Variants in WDR44 observed in about 807,000 individuals in gnomAD.
WDR44 encodes WD repeat domain 44.
A neutral mutation model predicts 65.7 loss-of-function variants in WDR44; 9 were observed. The observed-to-expected ratio is 0.14, with a 90% confidence interval of 0.08 to 0.24. WDR44 has a LOEUF of 0.24. Ranked by LOEUF, WDR44 falls within the 10% of genes least tolerant of loss-of-function variation. The pLI is 1.00. For synonymous variants in WDR44, 220 were observed against 235.2 expected (o/e 0.94, Z 0.59); for missense variants, 425 against 670.9 (o/e 0.63, Z 4.05).
intron 12 of WDR44, among the ~76,000 whole-genome samples, chrX:118,423,704 CAA>C (rs1366520098): frequency 8.9e-6 from 1 of 111,737 alleles, no homozygotes; most frequent in Non-Finnish European, 1.9e-5. Flanking sequence ...ATAGATCTCT[CAA>C]ACTTAATCAT....
chrX:118,391,364 A>G (rs2056818797), intron 3 of WDR44, among the ~76,000 whole-genome samples: 1 of 112,024 alleles, frequency 8.9e-6, no homozygotes, highest in Non-Finnish European at 1.9e-5. Flanking sequence ...AAGCAAGGTA[A>G]TTTCTAAGGT....
At chrX:118,412,396 G>T (rs1306165426) in intron 12 of WDR44, among the ~76,000 whole-genome samples, 1 of 111,655 alleles carries the variant, frequency 9.0e-6, no homozygotes, top group Non-Finnish European at 1.9e-5. Context: ...ACCATGTTCA[G>T]ATTTTTGTTT....
In WDR44 at chrX:118,376,340, G is replaced by GA. The variant is rs772056617; in HGVS notation, c.78-2077dup. 3.0e-4 allele frequency among the ~76,000 whole-genome samples: 33 copies of GA among 111,167 alleles called. 1 individual carries two copies. The South Asian group carries it at 0.012, about 41-fold the overall frequency. ...GAGGTCAAGGATTCCTCTACCAAAG[G>GA]AATCATTACCCAGTTTGGCATATAA... On this transcript the variant is annotated intron_variant, in intron 1 of 19. Coordinates refer to ENST00000254029, the MANE Select transcript of WDR44 (RefSeq NM_019045.5).
intron 12 of WDR44, among the ~76,000 whole-genome samples, chrX:118,413,499 CTATT>C (rs763273252): frequency 9.0e-6 from 1 of 111,694 alleles, no homozygotes; most frequent in Non-Finnish European, 1.9e-5. Context: ...TGAGAATTGT[CTATT>C]TATGTCCTTA....
chrX:118,369,541 C>T (rs1372853163), intron 1 of WDR44, among the ~76,000 whole-genome samples: 1 of 97,069 alleles, frequency 1.0e-5, no homozygotes, highest in Non-Finnish European at 2.0e-5. Flanking sequence ...GGGATCTCGG[C>T]TCACTGCAAG....
At position 118,392,762 on chromosome X, in the gene WDR44, A is replaced by G. The variant is rs752818626; in HGVS notation, c.317A>G (p.Asn106Ser). The G allele has an allele frequency of 8.3e-7, 1 of 1,210,252 alleles. No individual in the cohort carries two copies. The change falls in exon 4 of 20, where the codon AAT becomes AGT. Residue 106 changes from asparagine to serine, a missense_variant. By Grantham distance (46) the Asn-to-Ser change is conservative. Transcript: ENST00000254029. ...SPIVARTDLSNIPGLLAIDQV... is the reference protein window; with the variant it reads ...SPIVARTDLSSIPGLLAIDQV... Reference sequence around the variant, plus strand: ...ATTGTGGCTAGAACAGATCTGAGCAATATACCCGGACTGTTAGCCATAGAT... The same window carrying G: ...ATTGTGGCTAGAACAGATCTGAGCAGTATACCCGGACTGTTAGCCATAGAT...
At chrX:118,368,900 G>A (rs1286525257) in intron 1 of WDR44, among the ~76,000 whole-genome samples, 2 of 104,703 alleles carry the variant, frequency 1.9e-5, no homozygotes, top group African/African-American at 7.0e-5. Context: ...TTTTCTTTTT[G>A]TATTTTTAGT....
intron 12 of WDR44, among the ~76,000 whole-genome samples, chrX:118,430,152 G>C (rs889321141): frequency 5.5e-5 from 6 of 108,871 alleles, no homozygotes; most frequent in African/African-American, 2.0e-4. Context: ...AGATTGAAGA[G>C]AGACAAAACG....
intron 12 of WDR44, among the ~76,000 whole-genome samples, chrX:118,427,177 G>A (rs1415228287): frequency 9.1e-6 from 1 of 110,335 alleles, no homozygotes; most frequent in Admixed American, 9.8e-5. Flanking sequence ...TACCATCATA[G>A]CATGTTGTGA....
intron 11 of WDR44, 59 bp downstream of exon 11, chrX:118,409,686 C>T: frequency 9.5e-7 from 1 of 1,052,304 alleles, no homozygotes. Flanking sequence ...TTTAGGTATA[C>T]TGATGCCCTA....
chrX:118,372,640 T>C (rs1178076215), intron 1 of WDR44, among the ~76,000 whole-genome samples: 2 of 112,048 alleles, frequency 1.8e-5, no homozygotes, highest in Non-Finnish European at 3.8e-5. Flanking sequence ...TAAAGTCTCA[T>C]GGGGAGACCC....
At chrX:118,401,885 A>G (rs1354589176) in intron 8 of WDR44, among the ~76,000 whole-genome samples, 1 of 110,510 alleles carries the variant, frequency 9.0e-6, no homozygotes, top group Non-Finnish European at 1.9e-5. Flanking sequence ...AGCTTTCTAC[A>G]TATGGCTAGC....
Position 118,411,580 on chromosome X carries a change from C to T in WDR44, c.1737+621C>T, listed in dbSNP as rs139340273. ...TCATTGGCTCCAGTATTTGACACTA[C>T]GTTTTCTCCTTCTCCTGGCTTTCCA... On this transcript the variant is annotated intron_variant, in intron 12 of 19. Coordinates refer to ENST00000254029, the MANE Select transcript of WDR44 (RefSeq NM_019045.5). Among the ~76,000 whole-genome samples, 304 of 111,660 alleles carry T rather than the reference C, an allele frequency of 2.7e-3. 2 individuals are homozygous for T. The highest frequency in any genetic ancestry group is 9.5e-3 in the African/African-American group (293 of 30,795).
At chrX:118,401,518 T>C (rs761200720) in intron 8 of WDR44, among the ~76,000 whole-genome samples, 8 of 86,868 alleles carry the variant, frequency 9.2e-5, no homozygotes, top group Middle Eastern at 0.011. Context: ...GATGGGGTTG[T>C]TTGTTTTTTT....
intron 12 of WDR44, among the ~76,000 whole-genome samples, chrX:118,432,511 C>T (rs1171986155): frequency 8.9e-6 from 1 of 111,760 alleles, no homozygotes; most frequent in East Asian, 2.8e-4. Context: ...CGTCACCTCT[C>T]CTGAAGGAAC....
chrX:118,424,323 GTATATA>G (rs1171699587), intron 12 of WDR44, among the ~76,000 whole-genome samples: 24 of 65,550 alleles, frequency 3.7e-4, no homozygotes, highest in East Asian at 9.1e-4. Flanking sequence ...GTGTGTGTGT[GTATATA>G]TATATATATA....
At chrX:118,402,136 C>T (rs1324235649) in intron 8 of WDR44, among the ~76,000 whole-genome samples, 1 of 109,128 alleles carries the variant, frequency 9.2e-6, no homozygotes, top group African/African-American at 3.3e-5. Context: ...TGGGATATAA[C>T]AGTTAAGACA....
chrX:118,403,020 C>T (rs1207504321), intron 8 of WDR44, among the ~76,000 whole-genome samples: 2 of 111,524 alleles, frequency 1.8e-5, no homozygotes, highest in Admixed American at 9.6e-5. Flanking sequence ...ATCTGATAAC[C>T]AAGAAGACTA....
intron 1 of WDR44, among the ~76,000 whole-genome samples, chrX:118,359,523 T>C (rs769405253): frequency 8.9e-6 from 1 of 112,080 alleles, no homozygotes; most frequent in South Asian, 3.7e-4. Flanking sequence ...TTTTGAAAAA[T>C]CAGGTTGTCA....
Sources: gnomAD v4.1 joint callset for allele counts (sites outside exome capture counted in the v4.1 genomes callset) on GRCh38, gnomAD v4.1.1 for gene constraint, MANE v1.5 for transcripts, NCBI Gene and HGNC (gene_info 2026-07-23, HGNC 2026-07-21) for gene names.